The following GULP1 variants were observed in gnomAD, a reference collection of about 807,000 sequenced individuals.
GULP1 encodes PTB domain-containing engulfment adapter protein 1.
In GULP1, 19 loss-of-function variants were observed where a neutral mutation model predicts 40.9. The ratio of observed to expected loss-of-function variants is 0.46; its 90% CI spans 0.32 to 0.68. The LOEUF (loss-of-function observed/expected upper bound fraction) is 0.68. Ranked by LOEUF, GULP1 falls within the 30% of genes least tolerant of loss-of-function variation. The pLI is 0.03. For missense variants in GULP1, 312 were observed against 362.2 expected (o/e 0.86, Z 1.12); for synonymous variants, 119 against 117.6 (o/e 1.01, Z -0.08).
chr2:188,459,609 A>T (rs2059544350), intron 2 of GULP1, among the ~76,000 whole-genome samples: 1 of 151,810 alleles, frequency 6.6e-6, no homozygotes, highest in Non-Finnish European at 1.5e-5. Flanking sequence ...TTTTTATCCC[A>T]TTGATTGTTT....
At chr2:188,409,232 A>G (rs2053551169) in intron 2 of GULP1, among the ~76,000 whole-genome samples, 1 of 152,186 alleles carries the variant, frequency 6.6e-6, no homozygotes, top group South Asian at 2.1e-4. Context: ...ACAAGCCTTT[A>G]AACTAAAAAA....
At chr2:188,296,403 T>C (rs1298183656) in intron 1 of GULP1, among the ~76,000 whole-genome samples, 1 of 152,110 alleles carries the variant, frequency 6.6e-6, no homozygotes, top group Non-Finnish European at 1.5e-5. Flanking sequence ...GTTTTATGCC[T>C]AAGAAATGTT....
intron 1 of GULP1, among the ~76,000 whole-genome samples, chr2:188,382,303 TTCTTAC>T: frequency 6.6e-6 from 1 of 152,256 alleles, no homozygotes; most frequent in Non-Finnish European, 1.5e-5. Context: ...CTAGCTCTCA[TTCTTAC>T]AGTGAGATAT....
intron 6 of GULP1, 44 bp from the exon 7 acceptor site, chr2:188,541,137 A>T (rs1416366031): frequency 5.8e-6 from 9 of 1,560,176 alleles, no homozygotes; most frequent in Non-Finnish European, 7.9e-6. Flanking sequence ...AGAAAATGAA[A>T]AAAGAATCCC....
chr2:188,558,864 T>G (rs1695528164), intron 7 of GULP1, among the ~76,000 whole-genome samples: 1 of 152,094 alleles, frequency 6.6e-6, no homozygotes, highest in Admixed American at 6.5e-5. Flanking sequence ...GAGAGATAAT[T>G]TAGGGTATCT....
intron 1 of GULP1, among the ~76,000 whole-genome samples, chr2:188,344,616 C>T (rs1039520293): frequency 3.9e-5 from 6 of 152,068 alleles, no homozygotes; most frequent in South Asian, 2.1e-4. Context: ...TGAGAGATGA[C>T]GGGAGAGACA....
chr2:188,297,841 A>G (rs1382821032), intron 1 of GULP1, among the ~76,000 whole-genome samples: 1 of 152,144 alleles, frequency 6.6e-6, no homozygotes, highest in Non-Finnish European at 1.5e-5. Flanking sequence ...CAAACAGAAC[A>G]TTTGTAGTAT....
chr2:188,388,028 G>A lies in GULP1; in HGVS notation c.-45+4139G>A, dbSNP rs1306843255. On this transcript the variant is annotated intron_variant, in intron 2 of 11. Transcript: ENST00000409830. ...TATATCTCCTAATGCTATCCCTCCC[G>A]CCTCCCCCCACCCCACAACAGTCCC... Among the ~76,000 whole-genome samples the A allele has an allele frequency of 1.6e-4, 10 of 63,608 alleles. 1 individual carries two copies. Among genetic ancestry groups the A allele is most frequent in the Middle Eastern group, 8.8e-3 (1 of 114 alleles). 41.7% of individuals were successfully genotyped at this position (63,608 alleles called of 152,430 possible).
intron 2 of GULP1, among the ~76,000 whole-genome samples, chr2:188,415,014 T>C (rs1291010057): frequency 1.3e-5 from 2 of 152,126 alleles, no homozygotes; most frequent in Non-Finnish European, 2.9e-5. Flanking sequence ...CCATGTAGAA[T>C]GTCTTAAGAT....
intron 1 of GULP1, among the ~76,000 whole-genome samples, chr2:188,368,939 G>GTATATATATATATATATATATATA (rs56274020): frequency 3.5e-5 from 3 of 86,076 alleles, no homozygotes; most frequent in Non-Finnish European, 4.6e-5. Flanking sequence ...ATATATGTGT[G>GTATATATATATATATATATATATA]TATATATATA....
intron 1 of GULP1, among the ~76,000 whole-genome samples, chr2:188,303,268 C>A (rs936472249): frequency 6.6e-6 from 1 of 152,018 alleles, no homozygotes; most frequent in African/African-American, 2.4e-5. Flanking sequence ...GTAGGAATAA[C>A]CCAAATCTGA....
intron 1 of GULP1, among the ~76,000 whole-genome samples, chr2:188,314,793 T>C (rs1190574038): frequency 6.6e-6 from 1 of 152,180 alleles, no homozygotes; most frequent in African/African-American, 2.4e-5. Context: ...TAAACGATTC[T>C]TGTTTTAAAT....
At chr2:188,417,700 T>C (rs1371336122) in intron 2 of GULP1, among the ~76,000 whole-genome samples, 6 of 152,240 alleles carry the variant, frequency 3.9e-5, no homozygotes, top group Admixed American at 6.5e-5. Flanking sequence ...AGGATCCTTA[T>C]TGATGATCTA....
At chr2:188,481,553 A>C (rs960447374) in intron 3 of GULP1, among the ~76,000 whole-genome samples, 1 of 152,122 alleles carries the variant, frequency 6.6e-6, no homozygotes, top group African/African-American at 2.4e-5. Flanking sequence ...GTCTGTCAGC[A>C]GAAGCAGCTT....
intron 2 of GULP1, among the ~76,000 whole-genome samples, chr2:188,419,643 C>A (rs1329309182): frequency 2.0e-5 from 3 of 151,728 alleles, no homozygotes; most frequent in African/African-American, 7.3e-5. Flanking sequence ...TATTTCCTCC[C>A]ATTCTATAGT....
chr2:188,526,661 A>T (rs1338952233), intron 5 of GULP1, among the ~76,000 whole-genome samples: 2 of 152,174 alleles, frequency 1.3e-5, no homozygotes, highest in African/African-American at 4.8e-5. Flanking sequence ...AATGAATATA[A>T]CCTTAGGCAT....
intron 1 of GULP1, among the ~76,000 whole-genome samples, chr2:188,361,425 G>GA (rs1436754055): frequency 6.7e-6 from 1 of 148,664 alleles, no homozygotes; most frequent in African/African-American, 2.6e-5. Context: ...GGAGAGAAGA[G>GA]AGAGAGAGAG....
intron 4 of GULP1, among the ~76,000 whole-genome samples, chr2:188,488,607 T>C (rs1161224013): frequency 6.6e-6 from 1 of 152,024 alleles, no homozygotes; most frequent in African/African-American, 2.4e-5. Flanking sequence ...AGGTATTTTA[T>C]TTTTTCTGTT....
intron 4 of GULP1, among the ~76,000 whole-genome samples, chr2:188,490,976 T>C (rs532197899): frequency 1.9e-4 from 29 of 151,968 alleles, no homozygotes; most frequent in African/African-American, 7.0e-4. Context: ...GCTAATTTGT[T>C]TGTAGAGATG....
Sources: gnomAD v4.1 joint callset for allele counts (sites outside exome capture counted in the v4.1 genomes callset) on GRCh38, gnomAD v4.1.1 for gene constraint, MANE v1.5 for transcripts, NCBI Gene and HGNC (gene_info 2026-07-23, HGNC 2026-07-21) for gene names.